The following PRDM16 variants were observed in gnomAD, a reference collection of about 807,000 sequenced individuals.
The protein encoded by PRDM16 is histone-lysine N-methyltransferase PRDM16.
In PRDM16, 23 loss-of-function variants were observed where a neutral mutation model predicts 110.6. The ratio of observed to expected loss-of-function variants is 0.21; its 90% CI spans 0.15 to 0.29. The LOEUF (loss-of-function observed/expected upper bound fraction) is 0.29, where lower values mean the gene tolerates loss of function less well. Among genes scored for constraint, PRDM16 ranks in the 10% least tolerant of loss-of-function variants. The pLI is 1.00. For synonymous variants in PRDM16, 799 were observed against 781.8 expected, an observed-to-expected ratio of 1.02 and a Z score of -0.37; for missense variants, 1,615 against 1,794.3, an observed-to-expected ratio of 0.90 and a Z score of 1.81.
chr1:3,182,284 G>T (rs1293397143), intron 1 of PRDM16, among the ~76,000 whole-genome samples: 3 of 152,258 alleles, frequency 2.0e-5, no homozygotes, highest in South Asian at 2.1e-4. Flanking sequence ...CGGCGCTCGG[G>T]CTGCGGGGAA....
Position 3,243,528 on chromosome 1 carries a change from TC to T in PRDM16, c.388-553del, listed in dbSNP as rs954120787. On this transcript the variant is annotated intron_variant, in intron 2 of 16. Transcript: ENST00000270722. The surrounding 1 kb of genome is among the most constrained non-coding windows in gnomAD (Gnocchi z 5.5). ...CTGGGACCGCTGGGCAGAGTCCAGC[TC>T]CCCCCGACCTCTGCCTCCTGAGCTG... Among the ~76,000 whole-genome samples the T allele has an allele frequency of 2.6e-5, 4 of 151,912 alleles. No homozygotes were observed. The highest frequency in any genetic ancestry group is 4.4e-5 in the Non-Finnish European group (3 of 67,986).
At chr1:3,352,190 C>G (rs891669078) in intron 3 of PRDM16, among the ~76,000 whole-genome samples, 26 of 152,188 alleles carry the variant, frequency 1.7e-4, no homozygotes, top group Non-Finnish European at 3.2e-4. Flanking sequence ...GGTGTGGGCC[C>G]TTCTCCCTCC....
At chr1:3,107,304 G>A (rs1186208595) in intron 1 of PRDM16, among the ~76,000 whole-genome samples, 3 of 152,216 alleles carry the variant, frequency 2.0e-5, no homozygotes, top group Admixed American at 2.0e-4. Context: ...AGGCTTTCGG[G>A]CTTGGGCAAA....
chr1:3,173,586 G>A (rs1437899291), intron 1 of PRDM16, among the ~76,000 whole-genome samples: 3 of 152,202 alleles, frequency 2.0e-5, no homozygotes, highest in East Asian at 1.9e-4. Context: ...CAGTGGCTTC[G>A]TGGACCCCAG....
intron 3 of PRDM16, among the ~76,000 whole-genome samples, chr1:3,344,546 G>T (rs1362277358): frequency 2.0e-5 from 3 of 152,160 alleles, no homozygotes; most frequent in African/African-American, 4.8e-5. Context: ...ATTGGCTGTG[G>T]TTTTTTCTAG....
intron 12 of PRDM16, among the ~76,000 whole-genome samples, chr1:3,421,864 G>A (rs1557667477): frequency 6.6e-6 from 1 of 152,160 alleles, no homozygotes; most frequent in Non-Finnish European, 1.5e-5. Flanking sequence ...AGACAGACAG[G>A]CAGACACACA....
At chr1:3,414,046 G>A (rs190524852) in intron 9 of PRDM16, among the ~76,000 whole-genome samples, 61 of 152,308 alleles carry the variant, frequency 4.0e-4, no homozygotes, top group African/African-American at 1.4e-3. Flanking sequence ...CCGTGCCAGG[G>A]GCCGGGTCAG....
intron 1 of PRDM16, among the ~76,000 whole-genome samples, chr1:3,084,984 G>A (rs1361406401): frequency 6.6e-6 from 1 of 152,158 alleles, no homozygotes; most frequent in Non-Finnish European, 1.5e-5. Context: ...GGGTGCTGGG[G>A]GTTTGTTTCC....
At chr1:3,366,747 A>C (rs907972609) in intron 3 of PRDM16, among the ~76,000 whole-genome samples, 1 of 151,802 alleles carries the variant, frequency 6.6e-6, no homozygotes, top group African/African-American at 2.4e-5. Flanking sequence ...AAAGATCTCT[A>C]CTCTAGGTCA....
intron 2 of PRDM16, among the ~76,000 whole-genome samples, chr1:3,220,128 T>C (rs1324549506): frequency 6.6e-6 from 1 of 152,196 alleles, no homozygotes; most frequent in East Asian, 1.9e-4. Context: ...GAGACATTCA[T>C]TCCGTGCCCA....
At chr1:3,362,761 T>A (rs1245654044) in intron 3 of PRDM16, among the ~76,000 whole-genome samples, 1 of 152,012 alleles carries the variant, frequency 6.6e-6, no homozygotes, top group Non-Finnish European at 1.5e-5. Flanking sequence ...ACCTCACAGA[T>A]CCTAAAATCC....
intron 1 of PRDM16, among the ~76,000 whole-genome samples, chr1:3,182,960 T>G (rs191010157): frequency 6.6e-6 from 1 of 152,304 alleles, no homozygotes; most frequent in African/African-American, 2.4e-5. Context: ...GCTTTTATAA[T>G]TCCACAGGTC....
At chr1:3,392,467 CT>C (rs1245498114) in intron 4 of PRDM16, among the ~76,000 whole-genome samples, 2 of 152,176 alleles carry the variant, frequency 1.3e-5, no homozygotes, top group Non-Finnish European at 2.9e-5. Context: ...AACCCAGTTC[CT>C]TTTAGTCTGC....
rs1047255164 is a variant in PRDM16, at chr1:3,431,956, A to G, written c.3522-10A>G. The G allele has an allele frequency of 8.7e-6, 14 of 1,608,764 alleles. No individual in the cohort carries two copies. The highest frequency in any genetic ancestry group is 1.2e-5 in the Non-Finnish European group (14 of 1,176,954). On this transcript the variant is annotated splice_polypyrimidine_tract_variant and intron_variant, in intron 15 of 16. Transcript: ENST00000270722. ...CAGCAGGCCTTCCCTCTCCCCGGTC[A>G]TTGGTGCAGGTGTGCTGAGGACCAC...
At chr1:3,262,721 T>A (rs1418251310) in intron 3 of PRDM16, among the ~76,000 whole-genome samples, 3 of 152,176 alleles carry the variant, frequency 2.0e-5, no homozygotes, top group Admixed American at 2.0e-4. Context: ...TCAGTGACGA[T>A]GACAGCAGTA....
chr1:3,283,907 G>A (rs941159654), intron 3 of PRDM16, among the ~76,000 whole-genome samples: 4 of 152,266 alleles, frequency 2.6e-5, no homozygotes, highest in Admixed American at 6.5e-5. Flanking sequence ...GTGCCTCCGC[G>A]GGAGGAATGT....
intron 1 of PRDM16, among the ~76,000 whole-genome samples, chr1:3,093,369 G>A (rs916767486): frequency 4.6e-5 from 7 of 152,210 alleles, no homozygotes; most frequent in Non-Finnish European, 5.9e-5. Context: ...TACAGCCAGG[G>A]TGCAACATGG....
chr1:3,292,588 A>T (rs1361276616), intron 3 of PRDM16, among the ~76,000 whole-genome samples: 2 of 152,092 alleles, frequency 1.3e-5, no homozygotes, highest in Middle Eastern at 3.2e-3. Flanking sequence ...TGGCTTGTCC[A>T]GACGAGAGTG....
At chr1:3,131,030 T>A (rs571185158) in intron 1 of PRDM16, among the ~76,000 whole-genome samples, 2 of 152,250 alleles carry the variant, frequency 1.3e-5, no homozygotes, top group South Asian at 4.1e-4. Flanking sequence ...GAGGGACGCT[T>A]GAACCGGGTC....
Sources: gnomAD v4.1 joint callset for allele counts (sites outside exome capture counted in the v4.1 genomes callset) on GRCh38, gnomAD v4.1.1 for gene constraint, Gnocchi (gnomAD v3.1) non-coding constraint, MANE v1.5 for transcripts, NCBI Gene and HGNC (gene_info 2026-07-23, HGNC 2026-07-21) for gene names.